Variants in PAX2 observed in about 807,000 individuals in gnomAD.
The protein encoded by PAX2 is paired box 2, also known as paired box protein Pax-2.
In PAX2, 9 loss-of-function variants were observed where a neutral mutation model predicts 41.7. The ratio of observed to expected loss-of-function variants is 0.22; its 90% CI spans 0.13 to 0.38. The LOEUF is 0.38. PAX2 is among the 10% of genes least tolerant of loss of function. The pLI is 1.00. For synonymous variants in PAX2, 221 were observed against 212.7 expected, an observed-to-expected ratio of 1.04 and a Z score of -0.34; for missense variants, 418 against 531.6, an observed-to-expected ratio of 0.79 and a Z score of 2.10.
chr10:100,806,467 G>C lies in PAX2; in HGVS notation c.654G>C (p.Gln218His), dbSNP rs1847784761. The part of the protein sequence containing the change: ...SEGSVPNGDS[Q>H]SGVDSLRKHL... ...GCTCAGTCCCCAATGGAGATTCCCA[G>C]AGTGGTGTGGACAGTTTGCGGAAGC... The change falls in exon 6 of 10, where the codon CAG (glutamine) becomes CAC (histidine). Residue 218 changes from glutamine (Q) to histidine (H), a missense_variant. This residue lies in a region of PAX2 where 310 missense variants were observed against 325.2 expected (regional missense o/e 0.95). Coordinates refer to ENST00000355243, the MANE Select transcript of PAX2 (RefSeq NM_000278.5). 3 of 1,614,242 alleles carry C rather than the reference G, an allele frequency of 1.9e-6. No homozygotes were observed. Among genetic ancestry groups the C allele is most frequent in the Non-Finnish European group, 2.5e-6 (3 of 1,180,038 alleles).
rs146517231 is a variant in PAX2, at chr10:100,759,061, G to A, written c.410+8170G>A. 1.2e-4 allele frequency among the ~76,000 whole-genome samples: 18 copies of A among 152,278 alleles called. No homozygotes were observed. In the East Asian group the frequency reaches 1.7e-3, roughly 15 times the overall value. On this transcript the variant is annotated intron_variant, in intron 3 of 9. Coordinates refer to ENST00000355243, the MANE Select transcript of PAX2 (RefSeq NM_000278.5). Reference sequence around the variant, plus strand: ...TGCCTTGGGCTGGACAGGGTTGTTCGGGATTGGAGCACATGGCTGAGCAGG... The same window carrying A: ...TGCCTTGGGCTGGACAGGGTTGTTCAGGATTGGAGCACATGGCTGAGCAGG...
At chr10:100,796,271 T>G (rs1336039872) in intron 5 of PAX2, among the ~76,000 whole-genome samples, 1 of 152,256 alleles carries the variant, frequency 6.6e-6, no homozygotes, top group African/African-American at 2.4e-5. Context: ...TGTGTATATA[T>G]AATTTTTTAA....
At position 100,779,571 on chromosome 10, in the gene PAX2, G is replaced by C; in HGVS notation, c.484G>C (p.Gly162Arg). Residue 162 changes from glycine to arginine, a missense_variant, in exon 4 of 10, where the codon GGC (glycine) becomes CGC (arginine). By Grantham distance (125) the Gly-to-Arg change is moderately radical (BLOSUM62 -2). Transcript: ENST00000355243. ...DGAGTGVTAP[G>R]HTIVPSTASP... Reference sequence around the variant, plus strand: ...GGCTGGGACAGGAGTGACCGCCCCTGGCCACACCATTGGTAAGAGGGCTCA... The same window carrying C: ...GGCTGGGACAGGAGTGACCGCCCCTCGCCACACCATTGGTAAGAGGGCTCA... 2 of 1,588,072 alleles carry C rather than the reference G, an allele frequency of 1.3e-6. No individual in the cohort carries two copies. The highest frequency in any genetic ancestry group is 1.7e-6 in the Non-Finnish European group (2 of 1,166,966).
intron 5 of PAX2, among the ~76,000 whole-genome samples, chr10:100,803,634 A>G (rs1847648123): frequency 6.6e-6 from 1 of 151,962 alleles, no homozygotes; most frequent in African/African-American, 2.4e-5. Context: ...TCCTTCTCCT[A>G]CAGGAGTTCC....
intron 7 of PAX2, among the ~76,000 whole-genome samples, chr10:100,817,875 G>T (rs1848242496): frequency 6.6e-6 from 1 of 152,198 alleles, no homozygotes; most frequent in Admixed American, 6.5e-5. Context: ...ATCTTGTGTG[G>T]ATTTAAAGTT....
chr10:100,744,065 G>A (rs1281204857), upstream of PAX2, among the ~76,000 whole-genome samples: 77 of 152,232 alleles, frequency 5.1e-4, no homozygotes, highest in Non-Finnish European at 2.9e-5. Flanking sequence ...TCCTCCTGAG[G>A]AATAAGGGCA....
At chr10:100,739,483 C>T (rs1182616820) in intron 1 of PAX2, among the ~76,000 whole-genome samples, 1 of 152,190 alleles carries the variant, frequency 6.6e-6, no homozygotes, top group African/African-American at 2.4e-5. Flanking sequence ...GATTTGGTGC[C>T]GGCTCGCAAC....
intron 7 of PAX2, among the ~76,000 whole-genome samples, chr10:100,819,260 G>T (rs567243434): frequency 7.8e-5 from 11 of 141,324 alleles, no homozygotes; most frequent in Non-Finnish European, 1.7e-4. Context: ...AAAAAAAAAA[G>T]GGGGGGGAGT....
At chr10:100,781,133 C>G in intron 4 of PAX2, 113 bp from the exon 5 acceptor site, 1 of 1,060,282 alleles carries the variant, frequency 9.4e-7, no homozygotes, top group Non-Finnish European at 1.5e-6. Flanking sequence ...GTGGGCTCCT[C>G]ATCCCTCCTT....
At position 100,827,693 on chromosome 10, in the gene PAX2, G is replaced by A. The variant is rs781114473; in HGVS notation, c.*74G>A. ...CATCGTCCCCGTCTGACCCCACCCC[G>A]GAGGGAGGGAGGACCGACGCGACGC... is the stretch of plus-strand genomic sequence containing the variant. On this transcript the variant is annotated 3_prime_UTR_variant, in exon 10 of 10. Coordinates refer to ENST00000355243, the MANE Select transcript of PAX2 (RefSeq NM_000278.5). The surrounding 1 kb of genome is among the most constrained non-coding windows in gnomAD (Gnocchi z 8.5). The A allele has an allele frequency of 6.2e-7, 1 of 1,611,824 alleles. No homozygotes were observed. Among genetic ancestry groups the A allele is most frequent in the Non-Finnish European group, 8.5e-7 (1 of 1,179,130 alleles).
intron 5 of PAX2, chr10:100,787,021 C>T (rs1471406586): frequency 2.2e-6 from 3 of 1,370,826 alleles, no homozygotes; most frequent in Admixed American, 3.8e-5. Flanking sequence ...GGTATGAGGG[C>T]CAGAGGGAAC....
intron 5 of PAX2, among the ~76,000 whole-genome samples, chr10:100,795,744 C>T (rs745783040): frequency 4.1e-4 from 63 of 152,332 alleles, no homozygotes; most frequent in Middle Eastern, 3.4e-3. Context: ...CAGGGATCAT[C>T]AACAGCAGTT....
intron 7 of PAX2, among the ~76,000 whole-genome samples, chr10:100,814,342 A>T (rs1233014976): frequency 1.1e-5 from 1 of 94,650 alleles, no homozygotes; most frequent in East Asian, 2.9e-4. Flanking sequence ...ACACAGCGAG[A>T]CTCCATCTCA....
In PAX2 at chr10:100,787,628, A is replaced by G. The variant is rs556036280; in HGVS notation, c.616+6263A>G. Among the ~76,000 whole-genome samples the G allele has an allele frequency of 3.0e-3, 453 of 152,196 alleles. 7 individuals carry two copies. The highest frequency in any genetic ancestry group is 1.7e-3 in the South Asian group (8 of 4,822). ...TGAAGGCTTTTTCCCAACGCTGGGC[A>G]GGGCCTCGGTATCAGCCTCACTTTA... On this transcript the variant is annotated intron_variant, in intron 5 of 9. Coordinates refer to ENST00000355243, the MANE Select transcript of PAX2 (RefSeq NM_000278.5).
At chr10:100,735,761 C>G in intron 1 of PAX2, 6 of 1,032,476 alleles carry the variant, frequency 5.8e-6, no homozygotes, top group Non-Finnish European at 7.0e-6. Context: ...CCGTCCGCGC[C>G]GCAGGCGAGG....
chr10:100,787,064 G>T, intron 5 of PAX2: 1 of 1,076,498 alleles, frequency 9.3e-7, no homozygotes, highest in Non-Finnish European at 1.3e-6. Context: ...TAGCTTGGGG[G>T]TGGCGGTTAG....
chr10:100,825,617 C>T (rs959677215), intron 8 of PAX2, among the ~76,000 whole-genome samples: 4 of 152,200 alleles, frequency 2.6e-5, no homozygotes, highest in Non-Finnish European at 5.9e-5. Context: ...TCCCTCTGGC[C>T]GCCCTCTATG....
In PAX2 at chr10:100,749,175, T is replaced by G. The variant is rs542010007; in HGVS notation, c.44-571T>G. The stretch of plus-strand genomic sequence containing the variant: ...GAGGTAGAAAAATTCCGATTACAAT[T>G]TAATACTTTTTAAAGAAGAGGCAGA... On this transcript the variant is annotated intron_variant, in intron 1 of 9. Coordinates refer to ENST00000355243, the MANE Select transcript of PAX2 (RefSeq NM_000278.5). The G allele has an allele frequency of 5.1e-6, 5 of 986,128 alleles. No individual in the cohort carries two copies. The Admixed American group carries it at 3.1e-4, about 60-fold the overall frequency. The allele number at this position is 986,128 out of a possible 1,614,324, so 61.1% of individuals were successfully genotyped here.
At chr10:100,809,324 GT>G in intron 7 of PAX2, 88 bp downstream of exon 7, 1 of 1,243,770 alleles carries the variant, frequency 8.0e-7, no homozygotes, top group Admixed American at 1.7e-5. Flanking sequence ...TGAGGAGCAG[GT>G]CCCCCACCGT....
Sources: allele counts gnomAD v4.1 joint callset (sites outside exome capture counted in the v4.1 genomes callset), GRCh38; gene constraint gnomAD v4.1.1; regional missense constraint gnomAD v4.1.1; non-coding constraint Gnocchi (gnomAD v3.1); transcripts MANE v1.5; gene names NCBI Gene and HGNC (gene_info 2026-07-23, HGNC 2026-07-21).